The following AKAP13 variants were observed in gnomAD, a reference collection of about 807,000 sequenced individuals.
AKAP13 encodes the protein A-kinase anchoring protein 13.
In AKAP13, 80 loss-of-function variants were observed where a neutral mutation model predicts 264.5. The observed-to-expected ratio is 0.30, with a 90% CI of 0.25 to 0.36. AKAP13 has a LOEUF of 0.36. AKAP13 is among the 10% of genes least tolerant of loss of function. The pLI is 1.00. For missense variants in AKAP13, 3,712 were observed against 3,435.2 expected, an observed-to-expected ratio of 1.08 and a Z score of -2.01; for synonymous variants, 1,380 against 1,250.2, an observed-to-expected ratio of 1.10 and a Z score of -2.19.
chr15:85,417,666 C>G (rs2072305744), intron 1 of AKAP13, among the ~76,000 whole-genome samples: 1 of 152,176 alleles, frequency 6.6e-6, no homozygotes. Flanking sequence ...ACATGACTGT[C>G]ATTTTGCCAT....
At position 85,636,520 on chromosome 15, in the gene AKAP13, G is replaced by C. The variant is rs191307335; in HGVS notation, c.4162-2854G>C. Among the ~76,000 whole-genome samples, 574 of 152,036 alleles carry C rather than the reference G, an allele frequency of 3.8e-3. 1 individual carries two copies. Among genetic ancestry groups the C allele is most frequent in the African/African-American group, 0.011 (442 of 41,478 alleles). On this transcript the variant is annotated intron_variant, in intron 8 of 36. Transcript: ENST00000394518. ...ACCAATAAATATAATGTTAACCGTA[G>C]GTTTTTTATAGATGCCTTTGTCAGG...
At chr15:85,657,100 C>G (rs1383645882) in intron 11 of AKAP13, among the ~76,000 whole-genome samples, 1 of 152,106 alleles carries the variant, frequency 6.6e-6, no homozygotes, top group African/African-American at 2.4e-5. Context: ...GAGCCATGAT[C>G]ATACCACTGC....
intron 1 of AKAP13, among the ~76,000 whole-genome samples, chr15:85,406,942 T>A (rs1339747410): frequency 6.6e-6 from 1 of 151,724 alleles, no homozygotes; most frequent in Non-Finnish European, 1.5e-5. Flanking sequence ...TAAAGCACAG[T>A]CCTAGGCCAC....
intron 3 of AKAP13, among the ~76,000 whole-genome samples, chr15:85,522,442 A>G (rs1240737891): frequency 6.6e-6 from 1 of 152,104 alleles, no homozygotes; most frequent in Non-Finnish European, 1.5e-5. Context: ...AAATCCCAAC[A>G]AAGTCTGTTC....
chr15:85,666,489 C>A (rs1162016390), intron 13 of AKAP13, among the ~76,000 whole-genome samples: 1 of 151,908 alleles, frequency 6.6e-6, no homozygotes, highest in African/African-American at 2.4e-5. Flanking sequence ...CACTCTGATG[C>A]CTACCAGAAT....
At chr15:85,578,647 C>G (rs2079095427) in intron 6 of AKAP13, among the ~76,000 whole-genome samples, 1 of 152,080 alleles carries the variant, frequency 6.6e-6, no homozygotes, top group Non-Finnish European at 1.5e-5. Flanking sequence ...CCCGGCGAGA[C>G]TCAGTTTTCA....
chr15:85,726,031 T>C (rs1339258377), intron 26 of AKAP13: 1 of 160,550 alleles, frequency 6.2e-6, no homozygotes, highest in Non-Finnish European at 1.4e-5. Flanking sequence ...AATCTGAGTA[T>C]TTTTTGGAGT....
intron 1 of AKAP13, among the ~76,000 whole-genome samples, chr15:85,391,957 G>T (rs2070880816): frequency 6.6e-6 from 1 of 151,720 alleles, no homozygotes; most frequent in Non-Finnish European, 1.5e-5. Context: ...GCTAATTTTT[G>T]TATTTTTAGT....
Position 85,681,078 on chromosome 15 carries a change from A to G in AKAP13, c.5102-1080A>G, listed in dbSNP as rs180947506. Among the ~76,000 whole-genome samples, 24 of 152,208 alleles carry G rather than the reference A, an allele frequency of 1.6e-4. No individual in the cohort carries two copies. The East Asian group carries it at 4.6e-3, about 29-fold the overall frequency. ...AGTGATCTGCCTGCCTCTGCCTCCC[A>G]AAGTGTTGGGATTACAGGCATGAGC... On this transcript the variant is annotated intron_variant, in intron 14 of 36. Coordinates refer to ENST00000394518, the MANE Select transcript of AKAP13 (RefSeq NM_007200.5).
intron 1 of AKAP13, among the ~76,000 whole-genome samples, chr15:85,388,864 TG>T (rs2070718960): frequency 1.3e-5 from 2 of 152,206 alleles, no homozygotes; most frequent in Non-Finnish European, 1.5e-5. Flanking sequence ...GATGTCTCCT[TG>T]GGGGTAAAGT....
intron 1 of AKAP13, among the ~76,000 whole-genome samples, chr15:85,466,440 C>T (rs537251903): frequency 2.6e-5 from 4 of 152,142 alleles, no homozygotes; most frequent in Non-Finnish European, 5.9e-5. Context: ...TGCCTATGTC[C>T]TGAATGGTAA....
chr15:85,727,394 G>C lies in AKAP13; in HGVS notation c.7018G>C (p.Asp2340His), dbSNP rs776055574. 6.5e-5 allele frequency: 105 copies of C among 1,614,078 alleles called. No homozygotes were observed. Among genetic ancestry groups the C allele is most frequent in the Non-Finnish European group, 8.7e-5 (103 of 1,180,038 alleles). The change falls in exon 29 of 37, where the codon GAT (aspartate) becomes CAT (histidine). Residue 2340 changes from aspartate to histidine, a missense_variant. Physicochemically the swap from Asp to His is moderately conservative, Grantham distance 81. This residue lies in a region of AKAP13 where 342 missense variants were observed against 484.3 expected (regional missense o/e 0.71). Transcript: ENST00000394518. The surrounding 1 kb of genome is among the most constrained non-coding windows in gnomAD (Gnocchi z 5.3). ...GGGTTGTATTAGGAACAGAGATGAA[G>C]ATGAAGGAATTCCTAGTGAGAATGA... The part of the protein sequence containing the change: ...DTINTLNRDE[D>H]EGIPSENEEE...
At chr15:85,670,238 CTCTT>C (rs924908603) in intron 14 of AKAP13, among the ~76,000 whole-genome samples, 1 of 152,076 alleles carries the variant, frequency 6.6e-6, no homozygotes, top group African/African-American at 2.4e-5. Context: ...CTCTCTCCCT[CTCTT>C]TATCACTCCC....
chr15:85,404,905 T>C (rs62024517), intron 1 of AKAP13, among the ~76,000 whole-genome samples: 21,808 of 152,220 alleles, frequency 0.14, 1,997 homozygotes, highest in Non-Finnish European at 0.22. Flanking sequence ...CTTACCTCCT[T>C]CTAGCTATTA....
At chr15:85,540,209 C>T (rs1392770372) in intron 4 of AKAP13, among the ~76,000 whole-genome samples, 5 of 152,072 alleles carry the variant, frequency 3.3e-5, no homozygotes, top group African/African-American at 7.2e-5. Context: ...AAGGGAAGAT[C>T]GTGGGCAGGA....
At chr15:85,639,478 G>A in intron 9 of AKAP13, 29 bp downstream of exon 9, 3 of 1,533,972 alleles carry the variant, frequency 2.0e-6, no homozygotes, top group Non-Finnish European at 2.7e-6. Flanking sequence ...TTCATTTTCT[G>A]GAGCTGCAGC....
chr15:85,383,542 T>C (rs1337504281), intron 1 of AKAP13, among the ~76,000 whole-genome samples: 1 of 152,142 alleles, frequency 6.6e-6, no homozygotes. Flanking sequence ...AGTGTAGAGG[T>C]TTAGCTATTT....
chr15:85,506,520 A>G (rs1374925616), intron 2 of AKAP13, among the ~76,000 whole-genome samples: 1 of 131,812 alleles, frequency 7.6e-6, no homozygotes, highest in Non-Finnish European at 1.7e-5. Flanking sequence ...TTATATATAC[A>G]TATAGGTATA....
At chr15:85,492,406 G>A (rs2075755970) in intron 2 of AKAP13, among the ~76,000 whole-genome samples, 1 of 152,118 alleles carries the variant, frequency 6.6e-6, no homozygotes, top group Non-Finnish European at 1.5e-5. Context: ...AACTTTAAAT[G>A]TACAGAGAAG....
Sources: allele counts gnomAD v4.1 joint callset (sites outside exome capture counted in the v4.1 genomes callset), GRCh38; gene constraint gnomAD v4.1.1; regional missense constraint gnomAD v4.1.1; non-coding constraint Gnocchi (gnomAD v3.1); transcripts MANE v1.5; gene names NCBI Gene and HGNC (gene_info 2026-07-23, HGNC 2026-07-21).